The following PSMG4 variants were observed in gnomAD, a reference collection of about 807,000 sequenced individuals.
The protein encoded by PSMG4 is proteasome (prosome, macropain) assembly chaperone 4.
PSMG4 carries 10 observed loss-of-function variants against 11.0 expected under a neutral mutation model. That is an observed-to-expected ratio of 0.91 (90% CI 0.56 to 1.54). The LOEUF (loss-of-function observed/expected upper bound fraction) is 1.54. Ranked by LOEUF, PSMG4 falls within the 40% of genes most tolerant of loss-of-function variation. The pLI is 0.00. For synonymous variants in PSMG4, 95 were observed against 71.3 expected, an observed-to-expected ratio of 1.33 and a Z score of -1.68; for missense variants, 198 against 160.9, an observed-to-expected ratio of 1.23 and a Z score of -1.25.
upstream of PSMG4, chr6:3,255,244 C>G (rs559897534): frequency 2.6e-6 from 4 of 1,548,568 alleles, no homozygotes; most frequent in East Asian, 2.4e-5. Flanking sequence ...GCCTTCCATG[C>G]TGTTGGGTTC....
At chr6:3,257,910 G>GT (rs1757819939), upstream of PSMG4, among the ~76,000 whole-genome samples, 1 of 152,320 alleles carries the variant, frequency 6.6e-6, no homozygotes, top group African/African-American at 2.4e-5. Flanking sequence ...AAAATTAACT[G>GT]TATTATTGAA....
upstream of PSMG4, among the ~76,000 whole-genome samples, chr6:3,255,658 A>G (rs1239176931): frequency 1.3e-5 from 2 of 152,236 alleles, no homozygotes; most frequent in Non-Finnish European, 2.9e-5. Flanking sequence ...AACGAGTCCG[A>G]GAGCCTTAAG....
upstream of PSMG4, among the ~76,000 whole-genome samples, chr6:3,254,501 G>T (rs1163708317): frequency 6.6e-6 from 1 of 151,880 alleles, no homozygotes; most frequent in Non-Finnish European, 1.5e-5. Flanking sequence ...GGTTTTTTGT[G>T]TATGTGTTGG....
upstream of PSMG4, among the ~76,000 whole-genome samples, chr6:3,258,042 T>A (rs896463311): frequency 6.7e-6 from 1 of 149,790 alleles, no homozygotes; most frequent in Non-Finnish European, 1.5e-5. Flanking sequence ...ATCTCTAAAG[T>A]CAGTTGTAAC....
chr6:3,256,258 G>A (rs538601290), upstream of PSMG4, among the ~76,000 whole-genome samples: 3 of 152,318 alleles, frequency 2.0e-5, no homozygotes, highest in Non-Finnish European at 2.9e-5. Context: ...TCCAATGTGG[G>A]TGCTGGGCTA....
intron 2 of PSMG4, chr6:3,264,168 G>A (rs374177124): frequency 1.3e-6 from 2 of 1,550,140 alleles, no homozygotes; most frequent in Non-Finnish European, 1.7e-6. Context: ...TGTCACCTCT[G>A]TGCAGGAAGG....
chr6:3,265,586 G>C (rs1758151197), intron 2 of PSMG4: 1 of 152,218 alleles, frequency 6.6e-6, no homozygotes, highest in South Asian at 2.1e-4. Flanking sequence ...CTGGGATATA[G>C]GGCAGGGTGT....
At position 3,259,103 on chromosome 6, in the gene PSMG4, C is replaced by T. The variant is rs1757864827; in HGVS notation, c.81C>T (p.His27=). The T allele has an allele frequency of 7.8e-7, 1 of 1,277,466 alleles. No individual in the cohort carries two copies. Among genetic ancestry groups the T allele is most frequent in the South Asian group, 2.8e-5 (1 of 35,164 alleles). The allele number at this position is 1,277,466 out of a possible 1,614,324, so 79.1% of individuals were successfully genotyped here. The change falls in exon 1 of 3, where the codon CAC becomes CAT. Residue 27 remains histidine, a synonymous_variant. Coordinates refer to ENST00000438998, the MANE Select transcript of PSMG4 (RefSeq NM_001128591.2). ...FSARLWEQLV[H]FHVMRLTDSL... is the part of the protein sequence containing the mutation. ...CGAGGCTGTGGGAGCAGCTGGTCCA[C>T]TTCCACGTCATGCGGCTGACGGACT...
chr6:3,266,741 A>ACACG (rs1758196533), intron 2 of PSMG4: 1 of 152,150 alleles, frequency 6.6e-6, no homozygotes, highest in African/African-American at 2.4e-5. Context: ...GCACACACAC[A>ACACG]CAAATATATT....
intron 1 of PSMG4, 54 bp downstream of exon 1, chr6:3,259,250 C>G: frequency 2.4e-6 from 3 of 1,231,778 alleles, no homozygotes; most frequent in South Asian, 7.2e-5. Context: ...GCGGGGGCGC[C>G]GGGCCTGCGC....
At chr6:3,258,100 C>A (rs1475925712), upstream of PSMG4, among the ~76,000 whole-genome samples, 1 of 152,212 alleles carries the variant, frequency 6.6e-6, no homozygotes, top group Non-Finnish European at 1.5e-5. Flanking sequence ...TCTCTCTTAA[C>A]CCATCAAGGC....
chr6:3,255,969 A>G (rs1302190232), upstream of PSMG4, among the ~76,000 whole-genome samples: 1 of 152,226 alleles, frequency 6.6e-6, no homozygotes, highest in Non-Finnish European at 1.5e-5. Context: ...TCTAGCAAAG[A>G]TTCCACATCT....
chr6:3,257,255 G>A (rs781390928), upstream of PSMG4, among the ~76,000 whole-genome samples: 12 of 152,176 alleles, frequency 7.9e-5, no homozygotes, highest in Non-Finnish European at 2.9e-5. Context: ...GGGACTGCAG[G>A]GCAGTGTTCC....
chr6:3,267,684 A>G lies in PSMG4; in HGVS notation c.344A>G (p.Glu115Gly). ...CTTGTAGAAAACAGGATCAAGGAAG[A>G]GATGGAGGCTTTCCCCGAAAAGTTC... ...ALLVENRIKE[E>G]MEAFPEKF The change falls in exon 3 of 3, where the codon GAG becomes GGG. Residue 115 changes from glutamate to glycine, a missense_variant. By Grantham distance (98) the Glu-to-Gly change is moderately conservative. Transcript: ENST00000438998. 1 of 1,552,328 alleles carries G rather than the reference A, an allele frequency of 6.4e-7. No individual in the cohort carries two copies. The highest frequency in any genetic ancestry group is 8.7e-7 in the Non-Finnish European group (1 of 1,147,074).
chr6:3,258,561 TAATTA>T (rs984866889), upstream of PSMG4, among the ~76,000 whole-genome samples: 16 of 152,238 alleles, frequency 1.1e-4, no homozygotes, highest in South Asian at 2.1e-4. Flanking sequence ...TTTAAATTTT[TAATTA>T]AATTAATGTC....
intron 1 of PSMG4, among the ~76,000 whole-genome samples, chr6:3,259,870 T>C (rs1043286520): frequency 6.6e-6 from 1 of 152,204 alleles, no homozygotes; most frequent in Non-Finnish European, 1.5e-5. Context: ...TGTCGCCGCC[T>C]GGTTTCTCCT....
intron 1 of PSMG4, among the ~76,000 whole-genome samples, 154 bp downstream of exon 1, chr6:3,259,350 C>T (rs1340549565): frequency 1.3e-5 from 2 of 152,106 alleles, no homozygotes; most frequent in East Asian, 1.9e-4. Context: ...AGCCCGCGGG[C>T]GCCAGGGCCT....
upstream of PSMG4, among the ~76,000 whole-genome samples, chr6:3,254,500 T>C (rs972286208): frequency 1.3e-5 from 2 of 151,996 alleles, no homozygotes; most frequent in Non-Finnish European, 2.9e-5. Context: ...TGGTTTTTTG[T>C]GTATGTGTTG....
chr6:3,258,102 C>T (rs147932917), upstream of PSMG4, among the ~76,000 whole-genome samples: 1,162 of 152,258 alleles, frequency 7.6e-3, 19 homozygotes, highest in African/African-American at 0.026. Flanking sequence ...TCTCTTAACC[C>T]ATCAAGGCTT....
Sources: allele counts gnomAD v4.1 joint callset (sites outside exome capture counted in the v4.1 genomes callset), GRCh38; gene constraint gnomAD v4.1.1; transcripts MANE v1.5; gene names NCBI Gene and HGNC (gene_info 2026-07-23, HGNC 2026-07-21).